The following INTS8 variants were observed in gnomAD, a reference collection of about 807,000 sequenced individuals.
INTS8 encodes protein kaonashi-1.
Under a neutral mutation model 138.9 loss-of-function variants are expected in INTS8, and 47 were observed. The observed-to-expected ratio is 0.34, with a 90% CI of 0.27 to 0.43. The LOEUF is 0.43. Among genes scored for constraint, INTS8 ranks in the 20% least tolerant of loss-of-function variants. The pLI is 1.00. For missense variants in INTS8, 996 were observed against 1,173.0 expected (o/e 0.85, Z 2.20); for synonymous variants, 392 against 400.9 (o/e 0.98, Z 0.27).
chr8:94,859,298 G>A (rs1229155865), intron 15 of INTS8, among the ~76,000 whole-genome samples: 1 of 151,318 alleles, frequency 6.6e-6, no homozygotes, highest in Non-Finnish European at 1.5e-5. Flanking sequence ...TTTTATTTTT[G>A]AGACAAGGTC....
rs1378308800 is a variant in INTS8, at chr8:94,876,243, T to G, written c.2785T>G (p.Tyr929Asp). The change falls in exon 25 of 27, where the codon TAC (tyrosine) becomes GAC (aspartate). Residue 929 changes from tyrosine (Y) to aspartate (D), a missense_variant. By Grantham distance (160) the Tyr-to-Asp change is radical. Coordinates refer to ENST00000523731, the MANE Select transcript of INTS8 (RefSeq NM_017864.4). ...CAGTCATGATGCTATGGACTCCTAC[T>G]ACGACTACATATGGGATGTTACCAT... ...QNSHDAMDSY[Y>D]DYIWDVTILE... 1 of 1,612,594 alleles carries G rather than the reference T, an allele frequency of 6.2e-7. No individual in the cohort carries two copies. The highest frequency in any genetic ancestry group is 8.5e-7 in the Non-Finnish European group (1 of 1,179,136).
At chr8:94,838,108 G>A (rs908760078) in intron 7 of INTS8, among the ~76,000 whole-genome samples, 17 of 147,726 alleles carry the variant, frequency 1.2e-4, no homozygotes, top group African/African-American at 3.8e-4. Context: ...GTGCAGTGGC[G>A]CCTTCTCGGC....
chr8:94,870,780 C>G (rs1368457495), intron 20 of INTS8, among the ~76,000 whole-genome samples: 2 of 152,134 alleles, frequency 1.3e-5, no homozygotes, highest in Non-Finnish European at 2.9e-5. Flanking sequence ...TGTCTAAATT[C>G]ACCTTGTAAA....
chr8:94,880,028 T>C (rs1182254053), intron 26 of INTS8, 90 bp from the exon 27 acceptor site: 3 of 821,832 alleles, frequency 3.7e-6, no homozygotes, highest in Admixed American at 2.4e-5. Context: ...ACTGTATCGT[T>C]GTTAGCACGT....
At chr8:94,879,956 T>G in intron 26 of INTS8, 162 bp from the exon 27 acceptor site, 1 of 512,998 alleles carries the variant, frequency 1.9e-6, no homozygotes. Context: ...TGGTTAATCT[T>G]TATGTTAATT....
intron 26 of INTS8, chr8:94,879,908 C>G (rs1222716729): frequency 8.2e-6 from 3 of 363,638 alleles, no homozygotes; most frequent in African/African-American, 2.1e-5. Context: ...ATTCCATAAA[C>G]TATGGCTCAG....
intron 5 of INTS8, among the ~76,000 whole-genome samples, chr8:94,829,762 TTC>T (rs1321971983): frequency 3.3e-5 from 5 of 152,216 alleles, no homozygotes; most frequent in African/African-American, 1.2e-4. Flanking sequence ...TACTGATTGA[TTC>T]TGTTTCGTGA....
chr8:94,829,773 G>A (rs1814644032), intron 5 of INTS8, among the ~76,000 whole-genome samples: 1 of 152,068 alleles, frequency 6.6e-6, no homozygotes, highest in Admixed American at 6.6e-5. Flanking sequence ...TCTGTTTCGT[G>A]ATACATTAGT....
At chr8:94,824,841 A>G in intron 1 of INTS8, 52 bp from the exon 2 acceptor site, 1 of 842,972 alleles carries the variant, frequency 1.2e-6, no homozygotes, top group Non-Finnish European at 1.6e-6. Flanking sequence ...ATCCTTTTGT[A>G]TCTACATAAT....
intron 5 of INTS8, 47 bp from the exon 6 acceptor site, chr8:94,831,942 TATA>T (rs764854837): frequency 3.4e-6 from 5 of 1,451,408 alleles, no homozygotes; most frequent in Non-Finnish European, 4.6e-6. Flanking sequence ...TTTTGGTTAT[TATA>T]ATCAGTTGCT....
At chr8:94,850,279 A>G (rs950953469) in intron 12 of INTS8, among the ~76,000 whole-genome samples, 188 bp downstream of exon 12, 1 of 152,228 alleles carries the variant, frequency 6.6e-6, no homozygotes, top group Non-Finnish European at 1.5e-5. Context: ...CTGCCAAGCC[A>G]ATGATTAGTA....
chr8:94,831,895 G>T, intron 5 of INTS8, 97 bp from the exon 6 acceptor site: 3 of 909,702 alleles, frequency 3.3e-6, no homozygotes, highest in South Asian at 2.2e-5. Flanking sequence ...TTTTTTAATA[G>T]CTTAGTGTAC....
intron 5 of INTS8, among the ~76,000 whole-genome samples, chr8:94,831,250 A>G (rs1814701196): frequency 6.6e-6 from 1 of 151,924 alleles, no homozygotes; most frequent in African/African-American, 2.4e-5. Context: ...AGTAGCTGGG[A>G]TTACAAGTGT....
intron 6 of INTS8, among the ~76,000 whole-genome samples, chr8:94,833,453 A>G (rs1814803764): frequency 6.6e-6 from 1 of 151,824 alleles, no homozygotes; most frequent in African/African-American, 2.4e-5. Context: ...TCCTGGGCTC[A>G]AGGGATCCTC....
At position 94,823,302 on chromosome 8, in the gene INTS8, G is replaced by T. The variant is rs1284482926; in HGVS notation, c.-130G>T. 2 of 1,523,346 alleles carry T rather than the reference G, an allele frequency of 1.3e-6. No homozygotes were observed. The highest frequency in any genetic ancestry group is 1.8e-6 in the Non-Finnish European group (2 of 1,139,672). The allele number at this position is 1,523,346 out of a possible 1,614,324, so 94.4% of individuals were successfully genotyped here. On this transcript the variant is annotated 5_prime_UTR_variant, in exon 1 of 27. Transcript: ENST00000523731. The stretch of plus-strand genomic sequence containing the variant: ...GGCCCGCGCCGCCATTTTGGATTGT[G>T]TGAGTTTCCGGGACGTTCGGAGGGT...
At chr8:94,866,522 TTA>T (rs1330401454) in intron 18 of INTS8, among the ~76,000 whole-genome samples, 2 of 152,196 alleles carry the variant, frequency 1.3e-5, no homozygotes, top group Non-Finnish European at 2.9e-5. Flanking sequence ...TGGTCTCAAA[TTA>T]TCATCCCTTC....
At position 94,873,435 on chromosome 8, in the gene INTS8, C is replaced by T. The variant is rs1370769949; in HGVS notation, c.2595C>T (p.Asp865=). The T allele has an allele frequency of 1.2e-6, 2 of 1,613,920 alleles. No homozygotes were observed. Among genetic ancestry groups the T allele is most frequent in the Admixed American group, 1.7e-5 (1 of 60,018 alleles). The change falls in exon 22 of 27, where the codon GAC becomes GAT. Residue 865 remains aspartate, a synonymous_variant. Transcript: ENST00000523731. The stretch of plus-strand genomic sequence containing the variant: ...TCCAGGCAGGAGCTGTGTGTTCTGA[C>T]TTCTTTAACAAGGCTGTGCCCCCTG... ...YYLQAGAVCS[D]FFNKAVPPDV... is the part of the protein sequence containing the mutation.
At chr8:94,875,312 T>A (rs952151650) in intron 23 of INTS8, among the ~76,000 whole-genome samples, 5 of 152,160 alleles carry the variant, frequency 3.3e-5, no homozygotes, top group African/African-American at 9.7e-5. Context: ...GAGTTACTGT[T>A]ACGTGGTACA....
At chr8:94,859,064 G>A (rs1311018120) in intron 15 of INTS8, among the ~76,000 whole-genome samples, 2 of 152,062 alleles carry the variant, frequency 1.3e-5, no homozygotes, top group African/African-American at 4.8e-5. Flanking sequence ...CCAGGAGTTC[G>A]AGACCAGCCT....
Sources: allele counts gnomAD v4.1 joint callset (sites outside exome capture counted in the v4.1 genomes callset), GRCh38; gene constraint gnomAD v4.1.1; transcripts MANE v1.5; gene names NCBI Gene and HGNC (gene_info 2026-07-23, HGNC 2026-07-21).